The following HOGA1 variants were observed in gnomAD, a reference collection of about 807,000 sequenced individuals.
The protein encoded by HOGA1 is 4-hydroxy-2-oxoglutarate aldolase, mitochondrial.
Under a neutral mutation model 34.3 loss-of-function variants are expected in HOGA1, and 30 were observed. That is an observed-to-expected ratio of 0.87 (90% CI 0.65 to 1.19). The LOEUF is 1.19. HOGA1 is among the 50% of genes most tolerant of loss of function. The pLI is 0.00. For missense variants in HOGA1, 417 were observed against 436.5 expected, an observed-to-expected ratio of 0.96 and a Z score of 0.40; for synonymous variants, 161 against 174.0, an observed-to-expected ratio of 0.93 and a Z score of 0.59.
intron 1 of HOGA1, among the ~76,000 whole-genome samples, chr10:97,598,263 TAG>T (rs898365807): frequency 3.9e-5 from 6 of 152,216 alleles, no homozygotes; most frequent in African/African-American, 1.4e-4. Context: ...GCTGAAATTA[TAG>T]GTGTGAGCCA....
intron 6 of HOGA1, among the ~76,000 whole-genome samples, chr10:97,611,036 G>A (rs995839950): frequency 2.6e-5 from 4 of 152,198 alleles, no homozygotes; most frequent in African/African-American, 7.2e-5. Context: ...GAGCTATGGG[G>A]AGGTGAGGGC....
chr10:97,598,268 G>T (rs1217577564), intron 1 of HOGA1, among the ~76,000 whole-genome samples: 1 of 152,222 alleles, frequency 6.6e-6, no homozygotes, highest in Non-Finnish European at 1.5e-5. Context: ...AATTATAGGT[G>T]TGAGCCACCA....
intron 1 of HOGA1, among the ~76,000 whole-genome samples, chr10:97,592,173 T>TAA (rs2041030569): frequency 6.6e-6 from 1 of 151,914 alleles, no homozygotes; most frequent in East Asian, 1.9e-4. Context: ...CTGGTCATCA[T>TAA]ATTATAGCTA....
chr10:97,593,029 CAAAAAA>C (rs1169191059), intron 1 of HOGA1, among the ~76,000 whole-genome samples: 126 of 47,812 alleles, frequency 2.6e-3, no homozygotes, highest in Non-Finnish European at 4.0e-3. Context: ...GACTCTGTCT[CAAAAAA>C]AAAAAAAAAA....
In HOGA1 at chr10:97,601,922, C is replaced by T; in HGVS notation, c.766C>T (p.Leu256=). ...LGAQVCQLER[L]CCTGQWEDAQ... is the part of the protein sequence containing the mutation. The stretch of plus-strand genomic sequence containing the variant: ...GGCTCAGGTGTGCCAGCTGGAGCGA[C>T]TGTGCTGCACGGGGCAATGGGAAGA... Residue 256 remains leucine, a synonymous_variant, in exon 6 of 7, where the codon CTG becomes TTG. Coordinates refer to ENST00000370646, the MANE Select transcript of HOGA1 (RefSeq NM_138413.4). The T allele has an allele frequency of 1.2e-6, 2 of 1,613,202 alleles. No individual in the cohort carries two copies. Among genetic ancestry groups the T allele is most frequent in the Non-Finnish European group, 8.5e-7 (1 of 1,180,002 alleles).
intron 1 of HOGA1, among the ~76,000 whole-genome samples, chr10:97,591,817 T>TTGTGTGTGTGTGTGTGTG (rs56742680): frequency 1.8e-5 from 2 of 111,076 alleles, no homozygotes; most frequent in African/African-American, 3.6e-5. Context: ...TTCTTTCATT[T>TTGTGTGTGTGTGTGTGTG]TGTGTGTGTG....
At chr10:97,591,817 TTG>T (rs56742680) in intron 1 of HOGA1, among the ~76,000 whole-genome samples, 1,625 of 111,004 alleles carry the variant, frequency 0.015, 13 homozygotes, top group South Asian at 0.022. Context: ...TTCTTTCATT[TTG>T]TGTGTGTGTG....
chr10:97,593,029 CAAAAA>C (rs1169191059), intron 1 of HOGA1, among the ~76,000 whole-genome samples: 2,074 of 47,784 alleles, frequency 0.043, 42 homozygotes, highest in Middle Eastern at 0.076. Context: ...GACTCTGTCT[CAAAAA>C]AAAAAAAAAA....
Position 97,584,839 on chromosome 10 carries a change from T to G in HOGA1, c.136T>G (p.Phe46Val). The G allele has an allele frequency of 6.2e-7, 1 of 1,614,130 alleles. No homozygotes were observed. Among genetic ancestry groups the G allele is most frequent in the Non-Finnish European group, 8.5e-7 (1 of 1,180,004 alleles). The stretch of plus-strand genomic sequence containing the variant: ...TATCTACCCCCCTGTGACCACCCCC[T>G]TCACTGCCACTGCAGAGGTGGACTA... ...AGIYPPVTTP[F>V]TATAEVDYGK... Residue 46 changes from phenylalanine (F) to valine (V), a missense_variant, in exon 1 of 7, where the codon TTC (phenylalanine) becomes GTC (valine). Coordinates refer to ENST00000370646, the MANE Select transcript of HOGA1 (RefSeq NM_138413.4).
rs7080876 is a variant in HOGA1, at chr10:97,602,841, C to T, written c.834+851C>T. Among the ~76,000 whole-genome samples the T allele has an allele frequency of 8.8e-3, 1,341 of 152,178 alleles. 22 individuals carry two copies. The highest frequency in any genetic ancestry group is 0.029 in the African/African-American group (1,196 of 41,528). The stretch of plus-strand genomic sequence containing the variant: ...GATTACACGTGTGCACCACCATGCC[C>T]AGCTAATTTTTGTTTTTGTTTTCAT... On this transcript the variant is annotated intron_variant, in intron 6 of 6. Coordinates refer to ENST00000370646, the MANE Select transcript of HOGA1 (RefSeq NM_138413.4).
chr10:97,589,680 G>A (rs2041001778), intron 1 of HOGA1: 1 of 546,378 alleles, frequency 1.8e-6, no homozygotes, highest in Non-Finnish European at 3.3e-6. Flanking sequence ...TTGAGGTGGT[G>A]GGGGGCACCT....
At chr10:97,601,339 C>A (rs1589909260) in intron 5 of HOGA1, among the ~76,000 whole-genome samples, 1 of 152,168 alleles carries the variant, frequency 6.6e-6, no homozygotes, top group East Asian at 1.9e-4. Flanking sequence ...TAGAGAGGGT[C>A]TCATTCAGGT....
chr10:97,607,135 A>T (rs1204411977), intron 6 of HOGA1, among the ~76,000 whole-genome samples: 1 of 145,770 alleles, frequency 6.9e-6, no homozygotes. Flanking sequence ...ACACCTCTGC[A>T]CTAGGATCTG....
chr10:97,599,395 C>A, intron 3 of HOGA1, 179 bp downstream of exon 3: 1 of 758,078 alleles, frequency 1.3e-6, no homozygotes, highest in Non-Finnish European at 2.2e-6. Context: ...CTGCTTTCTC[C>A]CCTCTAAAAT....
chr10:97,587,706 C>T (rs868549410), intron 1 of HOGA1, among the ~76,000 whole-genome samples: 13 of 152,130 alleles, frequency 8.5e-5, no homozygotes, highest in Admixed American at 2.0e-4. Context: ...TGGGGTTTCA[C>T]CATGTTGGCC....
intron 1 of HOGA1, among the ~76,000 whole-genome samples, chr10:97,586,111 C>T (rs1425488808): frequency 5.5e-5 from 8 of 146,698 alleles, no homozygotes; most frequent in Admixed American, 2.8e-4. Flanking sequence ...CACTCTAGCC[C>T]GGGCGACAGA....
intron 6 of HOGA1, among the ~76,000 whole-genome samples, chr10:97,605,777 G>C (rs971862523): frequency 9.2e-5 from 14 of 151,936 alleles, no homozygotes; most frequent in Non-Finnish European, 1.8e-4. Flanking sequence ...TTTTGAAATT[G>C]GATTGTTCTT....
At chr10:97,586,402 T>G (rs2040971746) in intron 1 of HOGA1, among the ~76,000 whole-genome samples, 1 of 152,238 alleles carries the variant, frequency 6.6e-6, no homozygotes, top group Admixed American at 6.5e-5. Context: ...CCTGGCCTGA[T>G]GGACACGTTG....
intron 6 of HOGA1, among the ~76,000 whole-genome samples, chr10:97,605,775 T>C (rs146663181): frequency 7.0e-4 from 106 of 152,310 alleles, no homozygotes; most frequent in African/African-American, 2.4e-3. Flanking sequence ...CATTTTGAAA[T>C]TGGATTGTTC....
Sources: allele counts gnomAD v4.1 joint callset (sites outside exome capture counted in the v4.1 genomes callset), GRCh38; gene constraint gnomAD v4.1.1; transcripts MANE v1.5; gene names NCBI Gene and HGNC (gene_info 2026-07-23, HGNC 2026-07-21).